SUSD6: variants seen among roughly 807,000 people sequenced by gnomAD.
SUSD6 encodes the protein sushi domain containing 6.
Under a neutral mutation model 28.4 loss-of-function variants are expected in SUSD6, and 16 were observed. That is an observed-to-expected ratio of 0.56 (90% CI 0.38 to 0.86). SUSD6 has a LOEUF of 0.86. Ranked by LOEUF, SUSD6 falls within the 40% of genes least tolerant of loss-of-function variation. The probability of loss-of-function intolerance (pLI) is 0.00; values close to 1 mark genes in which losing one functional copy is unlikely to be tolerated. For missense variants in SUSD6, 341 were observed against 384.2 expected (o/e 0.89, Z 0.94); for synonymous variants, 147 against 159.6 (o/e 0.92, Z 0.59).
chr14:69,690,928 T>G (rs1268397211), intron 2 of SUSD6, among the ~76,000 whole-genome samples: 1 of 152,108 alleles, frequency 6.6e-6, no homozygotes, highest in Non-Finnish European at 1.5e-5. Flanking sequence ...CCACACACCT[T>G]TTATTGTCTC....
At position 69,704,720 on chromosome 14, in the gene SUSD6, C is replaced by T; in HGVS notation, c.436C>T (p.Leu146=). The T allele has an allele frequency of 6.2e-7, 1 of 1,614,058 alleles. No homozygotes were observed. ...VVLFVLLQPK[L]KSFHHSRRDQ... Reference sequence around the variant, plus strand: ...GCTGTTTGTGCTGCTGCAGCCAAAGCTGAAGTCTTTCCATCATAGCAGGTG... The same window carrying T: ...GCTGTTTGTGCTGCTGCAGCCAAAGTTGAAGTCTTTCCATCATAGCAGGTG... The change falls in exon 4 of 6, where the codon CTG becomes TTG. Residue 146 remains leucine, a synonymous_variant. Coordinates refer to ENST00000342745, the MANE Select transcript of SUSD6 (RefSeq NM_014734.4).
At chr14:69,614,659 A>G (rs1884932890) in intron 1 of SUSD6, among the ~76,000 whole-genome samples, 1 of 152,164 alleles carries the variant, frequency 6.6e-6, no homozygotes. Flanking sequence ...TCTGACAACC[A>G]AGTTACTACT....
intron 1 of SUSD6, among the ~76,000 whole-genome samples, chr14:69,639,155 C>G (rs564867619): frequency 6.6e-6 from 1 of 151,746 alleles, no homozygotes; most frequent in Non-Finnish European, 1.5e-5. Context: ...GGTGAAACCC[C>G]GTCTCTACTA....
At chr14:69,684,104 T>C (rs1886036718) in intron 2 of SUSD6, among the ~76,000 whole-genome samples, 1 of 152,176 alleles carries the variant, frequency 6.6e-6, no homozygotes, top group African/African-American at 2.4e-5. Context: ...TGATGTCTCC[T>C]AGCGGACCCA....
Position 69,675,542 on chromosome 14 carries a change from C to CT in SUSD6, c.121+16840dup, listed in dbSNP as rs5809439. The stretch of plus-strand genomic sequence containing the variant: ...TATAGTTGCAACTTCAGTTTCTGTG[C>CT]TTTTTTTTTTTCTTGGGCCTGAAGA... On this transcript the variant is annotated intron_variant, in intron 2 of 5. Transcript: ENST00000342745. Among the ~76,000 whole-genome samples the CT allele has an allele frequency of 5.1e-3, 769 of 149,876 alleles. 6 individuals carry two copies. The highest frequency in any genetic ancestry group is 0.011 in the African/African-American group (434 of 40,690).
At chr14:69,710,153 T>C (rs1886442742) in intron 5 of SUSD6, among the ~76,000 whole-genome samples, 1 of 152,204 alleles carries the variant, frequency 6.6e-6, no homozygotes, top group South Asian at 2.1e-4. Context: ...GCCACACATA[T>C]TGTGAGATGT....
intron 2 of SUSD6, among the ~76,000 whole-genome samples, chr14:69,663,356 A>T (rs192183112): frequency 6.6e-6 from 1 of 152,360 alleles, no homozygotes; most frequent in East Asian, 1.9e-4. Context: ...TAGCAGGGAA[A>T]ACAGCCATCT....
In SUSD6 at chr14:69,714,837, C is replaced by T. The variant is rs1337532616; in HGVS notation, c.*3858C>T. ...AGCAAGGAGGAGAGATGTACGTGGGCTGTGTGGCAGTCCCCACACCCTGCC... is the reference window on the plus strand; with the variant it reads ...AGCAAGGAGGAGAGATGTACGTGGGTTGTGTGGCAGTCCCCACACCCTGCC... On this transcript the variant is annotated 3_prime_UTR_variant, in exon 6 of 6. Coordinates refer to ENST00000342745, the MANE Select transcript of SUSD6 (RefSeq NM_014734.4). The T allele has an allele frequency of 6.6e-6, 1 of 152,180 alleles. No homozygotes were observed. Among genetic ancestry groups the T allele is most frequent in the Non-Finnish European group, 1.5e-5 (1 of 68,056 alleles). 9.4% of individuals were successfully genotyped at this position (152,180 alleles called of 1,614,324 possible).
At chr14:69,682,796 T>C (rs1886015955) in intron 2 of SUSD6, among the ~76,000 whole-genome samples, 1 of 152,322 alleles carries the variant, frequency 6.6e-6, no homozygotes, top group Non-Finnish European at 1.5e-5. Flanking sequence ...AAAACTATGC[T>C]GAGTTCCACA....
chr14:69,714,475 A>C lies in SUSD6; in HGVS notation c.*3496A>C, dbSNP rs897149657. On this transcript the variant is annotated 3_prime_UTR_variant, in exon 6 of 6. Coordinates refer to ENST00000342745, the MANE Select transcript of SUSD6 (RefSeq NM_014734.4). ...AAAAAAGGCCTAGCAGGGAAGCAGC[A>C]TGCAGGCTTCACAGCTTAATGCCAA... 1.3e-5 allele frequency: 2 copies of C among 152,122 alleles called. No homozygotes were observed. Among genetic ancestry groups the C allele is most frequent in the Admixed American group, 1.3e-4 (2 of 15,282 alleles). The allele number at this position is 152,122 out of a possible 1,614,324, so 9.4% of individuals were successfully genotyped here.
At chr14:69,614,279 C>G (rs550284925) in intron 1 of SUSD6, among the ~76,000 whole-genome samples, 2 of 152,294 alleles carry the variant, frequency 1.3e-5, no homozygotes, top group African/African-American at 4.8e-5. Context: ...GTTGGCTAGG[C>G]TGGTCTCGAA....
chr14:69,646,944 G>A (rs937418607), intron 1 of SUSD6, among the ~76,000 whole-genome samples: 9 of 152,008 alleles, frequency 5.9e-5, no homozygotes, highest in Non-Finnish European at 1.0e-4. Flanking sequence ...CTCGTGATCC[G>A]CCCGCCTTGG....
At chr14:69,620,849 G>A (rs531973689) in intron 1 of SUSD6, among the ~76,000 whole-genome samples, 17 of 152,324 alleles carry the variant, frequency 1.1e-4, no homozygotes, top group African/African-American at 3.8e-4. Context: ...AAAAGGAGAT[G>A]TGGGTTCAAC....
intron 2 of SUSD6, among the ~76,000 whole-genome samples, chr14:69,702,715 G>A (rs1364294065): frequency 5.9e-5 from 9 of 152,232 alleles, no homozygotes; most frequent in Admixed American, 5.2e-4. Flanking sequence ...GGCCCTCAGT[G>A]TCTTCTTCTT....
chr14:69,667,416 G>A (rs1257330668), intron 2 of SUSD6, among the ~76,000 whole-genome samples: 4 of 126,160 alleles, frequency 3.2e-5, no homozygotes, highest in Admixed American at 1.0e-4. Flanking sequence ...TCGCTCTGTC[G>A]CCCAGGCTGG....
intron 1 of SUSD6, among the ~76,000 whole-genome samples, chr14:69,643,907 G>A (rs946435667): frequency 6.6e-6 from 1 of 152,168 alleles, no homozygotes; most frequent in African/African-American, 2.4e-5. Flanking sequence ...ATTCCCTTTT[G>A]TGTGACTCCA....
chr14:69,687,946 T>C (rs961256414), intron 2 of SUSD6, among the ~76,000 whole-genome samples: 9 of 152,214 alleles, frequency 5.9e-5, no homozygotes, highest in African/African-American at 2.2e-4. Context: ...GTCTCAGCAG[T>C]ATAAATACTT....
chr14:69,651,237 G>A (rs1885499677), intron 1 of SUSD6, among the ~76,000 whole-genome samples: 1 of 152,180 alleles, frequency 6.6e-6, no homozygotes, highest in Non-Finnish European at 1.5e-5. Context: ...TTAGGTGCTA[G>A]AGACTTGTTA....
chr14:69,675,634 A>G (rs1057315548), intron 2 of SUSD6, among the ~76,000 whole-genome samples: 1 of 152,206 alleles, frequency 6.6e-6, no homozygotes, highest in Non-Finnish European at 1.5e-5. Flanking sequence ...TGCAACAGCT[A>G]ATCACTATTG....
Sources: allele counts gnomAD v4.1 joint callset (sites outside exome capture counted in the v4.1 genomes callset), GRCh38; gene constraint gnomAD v4.1.1; transcripts MANE v1.5; gene names NCBI Gene and HGNC (gene_info 2026-07-23, HGNC 2026-07-21).